EYS: variants seen among roughly 807,000 people sequenced by gnomAD.
EYS encodes the protein protein eyes shut homolog.
In EYS, 250 loss-of-function variants were observed where a neutral mutation model predicts 282.1. The observed-to-expected ratio is 0.89, with a 90% CI of 0.80 to 0.98. The LOEUF is 0.98. EYS is among the 50% of genes least tolerant of loss of function. EYS has a pLI of 0.00. For missense variants in EYS, 4,016 were observed against 3,709.0 expected, an observed-to-expected ratio of 1.08 and a Z score of -2.15; for synonymous variants, 1,355 against 1,282.9, an observed-to-expected ratio of 1.06 and a Z score of -1.20.
intron 26 of EYS, among the ~76,000 whole-genome samples, chr6:64,456,490 T>C (rs953354899): frequency 2.6e-5 from 4 of 152,060 alleles, no homozygotes; most frequent in African/African-American, 9.7e-5. Flanking sequence ...AAGAAATCTT[T>C]TAACCTCCTT....
chr6:64,463,471 C>G (rs1582786497), intron 26 of EYS, among the ~76,000 whole-genome samples: 1 of 152,306 alleles, frequency 6.6e-6, no homozygotes, highest in East Asian at 1.9e-4. Context: ...TGCCTTCAGG[C>G]TGATCCTTAC....
At chr6:65,545,389 T>C (rs1377479234) in intron 2 of EYS, among the ~76,000 whole-genome samples, 1 of 152,140 alleles carries the variant, frequency 6.6e-6, no homozygotes, top group Non-Finnish European at 1.5e-5. Flanking sequence ...TTTTTATACA[T>C]GTTTATTTTT....
intron 12 of EYS, among the ~76,000 whole-genome samples, chr6:65,103,919 C>G (rs1051308151): frequency 6.6e-6 from 1 of 151,370 alleles, no homozygotes; most frequent in Non-Finnish European, 1.5e-5. Context: ...TCAGGCCTAA[C>G]AAACTCCCAG....
intron 22 of EYS, among the ~76,000 whole-genome samples, chr6:64,777,961 G>T (rs1268605951): frequency 6.6e-6 from 1 of 152,066 alleles, no homozygotes; most frequent in African/African-American, 2.4e-5. Flanking sequence ...AAGTTTCAAT[G>T]AGATTCCAAC....
chr6:64,759,720 C>G (rs1006431085), intron 22 of EYS, among the ~76,000 whole-genome samples: 1 of 152,100 alleles, frequency 6.6e-6, no homozygotes, highest in Admixed American at 6.6e-5. Context: ...GGAATTCACT[C>G]TTTCTGAATT....
intron 28 of EYS, among the ~76,000 whole-genome samples, chr6:64,435,030 T>G (rs1774692187): frequency 6.6e-6 from 1 of 152,000 alleles, no homozygotes; most frequent in Non-Finnish European, 1.5e-5. Context: ...CCCAGGGAAA[T>G]TATTACCTCG....
chr6:64,775,469 G>T (rs1019430450), intron 22 of EYS, among the ~76,000 whole-genome samples: 5 of 151,934 alleles, frequency 3.3e-5, no homozygotes, highest in Admixed American at 6.6e-5. Flanking sequence ...GAGCTTCATT[G>T]TTCTCTTTTA....
intron 12 of EYS, among the ~76,000 whole-genome samples, chr6:65,095,566 CT>C (rs1212736629): frequency 1.3e-5 from 2 of 151,040 alleles, no homozygotes; most frequent in Non-Finnish European, 3.0e-5. Flanking sequence ...ACAAATTTTA[CT>C]TATCAATAAA....
intron 31 of EYS, among the ~76,000 whole-genome samples, chr6:64,157,162 C>T (rs984699851): frequency 8.0e-5 from 12 of 149,936 alleles, no homozygotes; most frequent in Non-Finnish European, 1.3e-4. Context: ...TTTGTTCTTG[C>T]GATAGTTTAC....
At chr6:64,237,087 CT>C (rs1766633420) in intron 30 of EYS, among the ~76,000 whole-genome samples, 1 of 152,084 alleles carries the variant, frequency 6.6e-6, no homozygotes, top group Non-Finnish European at 1.5e-5. Flanking sequence ...ACAACTTTTA[CT>C]CTACTTATAC....
rs61050865 is a variant in EYS at position 63,933,219 on chromosome 6, T to C, written c.7055+51164A>G. 1.1e-3 allele frequency among the ~76,000 whole-genome samples: 165 copies of C among 152,232 alleles called. 2 individuals carry two copies. In the East Asian group the frequency reaches 0.029, roughly 26 times the overall value. On this transcript the variant is annotated intron_variant, in intron 35 of 42. Coordinates refer to ENST00000503581, the MANE Select transcript of EYS (RefSeq NM_001142800.2). ...TGTTCTTTTGGTTTTTTTTAAACATTTATTTTTATTTTAATTTAGTTTTAT... is the reference window on the plus strand; with the variant it reads ...TGTTCTTTTGGTTTTTTTTAAACATCTATTTTTATTTTAATTTAGTTTTAT...
chr6:63,952,794 C>T (rs1765655560), intron 35 of EYS, among the ~76,000 whole-genome samples: 1 of 152,124 alleles, frequency 6.6e-6, no homozygotes, highest in East Asian at 1.9e-4. Context: ...ACCTCTACTC[C>T]TCCTTGGGGA....
At chr6:65,508,759 T>C (rs781607411) in intron 2 of EYS, among the ~76,000 whole-genome samples, 2 of 151,652 alleles carry the variant, frequency 1.3e-5, no homozygotes, top group Non-Finnish European at 2.9e-5. Flanking sequence ...GTATGACAAA[T>C]ACCCTTGCTA....
At chr6:63,741,988 G>A in intron 41 of EYS, 1 of 702,196 alleles carries the variant, frequency 1.4e-6, no homozygotes, top group South Asian at 1.5e-5. Context: ...AAGAAGACAA[G>A]AGAAGGGTCT....
chr6:63,930,959 G>T lies in EYS; in HGVS notation c.7055+53424C>A, dbSNP rs568754247. 2.6e-5 allele frequency among the ~76,000 whole-genome samples: 4 copies of T among 152,298 alleles called. No individual in the cohort carries two copies. In the East Asian group the frequency reaches 7.7e-4, roughly 29 times the overall value. On this transcript the variant is annotated intron_variant, in intron 35 of 42. Transcript: ENST00000503581. ...AATTTCTTCCCCTTTCTGGTTGTTT[G>T]AGAGAAAGAGTGCAGCCCTTCCTTT...
chr6:64,408,499 G>A (rs901269382), intron 28 of EYS, among the ~76,000 whole-genome samples: 1 of 152,148 alleles, frequency 6.6e-6, no homozygotes. Context: ...TGTATATCTG[G>A]GAAAGTAGTG....
intron 31 of EYS, among the ~76,000 whole-genome samples, chr6:64,153,442 A>C (rs1298730160): frequency 6.6e-6 from 1 of 152,218 alleles, no homozygotes; most frequent in East Asian, 1.9e-4. Flanking sequence ...TATTAACTAA[A>C]GAGTCACTCT....
chr6:64,580,438 T>G (rs1200564829), intron 26 of EYS, among the ~76,000 whole-genome samples: 1 of 152,222 alleles, frequency 6.6e-6, no homozygotes, highest in Non-Finnish European at 1.5e-5. Context: ...ACAGGAATTC[T>G]GATAGACTGG....
intron 28 of EYS, among the ~76,000 whole-genome samples, chr6:64,415,470 T>A (rs1774030014): frequency 6.6e-6 from 1 of 152,154 alleles, no homozygotes; most frequent in African/African-American, 2.4e-5. Flanking sequence ...GTCATCATGG[T>A]TTACATTCTC....
Sources: allele counts gnomAD v4.1 joint callset (sites outside exome capture counted in the v4.1 genomes callset), GRCh38; gene constraint gnomAD v4.1.1; transcripts MANE v1.5; gene names NCBI Gene and HGNC (gene_info 2026-07-23, HGNC 2026-07-21).